DNAJC1: variants seen among roughly 807,000 people sequenced by gnomAD.
DNAJC1 encodes the protein dnaJ homolog subfamily C member 1.
In DNAJC1, 58 loss-of-function variants were observed where a neutral mutation model predicts 76.6. That is an observed-to-expected ratio of 0.76 (90% confidence interval 0.61 to 0.94). The LOEUF (loss-of-function observed/expected upper bound fraction) is 0.94. Ranked by LOEUF, DNAJC1 falls within the 40% of genes least tolerant of loss-of-function variation. The pLI is 0.00. For missense variants in DNAJC1, 689 were observed against 677.3 expected, an observed-to-expected ratio of 1.02 and a Z score of -0.19; for synonymous variants, 258 against 267.9, an observed-to-expected ratio of 0.96 and a Z score of 0.36.
chr10:21,942,780 T>C (rs1590059975), intron 1 of DNAJC1, among the ~76,000 whole-genome samples: 1 of 129,050 alleles, frequency 7.7e-6, no homozygotes, highest in South Asian at 2.3e-4. Context: ...CACTCCAGCC[T>C]GGGCGACAGA....
At chr10:21,847,693 T>C (rs938690752) in intron 8 of DNAJC1, among the ~76,000 whole-genome samples, 20 of 152,188 alleles carry the variant, frequency 1.3e-4, no homozygotes, top group African/African-American at 4.8e-4. Flanking sequence ...ACAATAGTTA[T>C]CTTCTTGTGC....
At chr10:21,877,807 G>T (rs566419047) in intron 8 of DNAJC1, among the ~76,000 whole-genome samples, 1 of 152,294 alleles carries the variant, frequency 6.6e-6, no homozygotes, top group South Asian at 2.1e-4. Context: ...CCCCTGGTCA[G>T]TTGAAAACCT....
intron 1 of DNAJC1, among the ~76,000 whole-genome samples, chr10:21,942,955 TA>T (rs1320533089): frequency 6.6e-6 from 1 of 152,004 alleles, no homozygotes; most frequent in Non-Finnish European, 1.5e-5. Flanking sequence ...AGACTACATT[TA>T]AAAATAATAA....
chr10:21,806,680 A>C (rs1589987873), intron 8 of DNAJC1, among the ~76,000 whole-genome samples: 1 of 152,166 alleles, frequency 6.6e-6, no homozygotes, highest in African/African-American at 2.4e-5. Flanking sequence ...TTTTTCAAGA[A>C]GTTTAGCTTG....
In DNAJC1 at chr10:21,766,656, C is replaced by CG. The variant is rs1834303274; in HGVS notation, c.1099-348dup. Among the ~76,000 whole-genome samples, 5 of 151,918 alleles carry CG rather than the reference C, an allele frequency of 3.3e-5. No homozygotes were observed. The South Asian group carries it at 1.0e-3, about 32-fold the overall frequency. On this transcript the variant is annotated intron_variant, in intron 9 of 11. Coordinates refer to ENST00000376980, the MANE Select transcript of DNAJC1 (RefSeq NM_022365.4). ...TAAGTTCTAGGGTACATATGCACAA[C>CG]GGGGGCTGCCTCTTAAAAGATACTA...
intron 8 of DNAJC1, among the ~76,000 whole-genome samples, chr10:21,834,319 G>T (rs991015771): frequency 1.3e-5 from 2 of 152,118 alleles, no homozygotes; most frequent in Non-Finnish European, 2.9e-5. Flanking sequence ...TTGTTTAAAA[G>T]ACCTAATGTG....
chr10:21,897,283 C>T (rs1425009575), intron 7 of DNAJC1, among the ~76,000 whole-genome samples: 1 of 151,880 alleles, frequency 6.6e-6, no homozygotes, highest in Non-Finnish European at 1.5e-5. Flanking sequence ...ATAGCTGGTT[C>T]AATATTCAAA....
chr10:21,949,981 G>A (rs982291868), intron 1 of DNAJC1, among the ~76,000 whole-genome samples: 8 of 151,566 alleles, frequency 5.3e-5, no homozygotes, highest in Non-Finnish European at 1.0e-4. Flanking sequence ...AATTTTCCAT[G>A]TCATATAATT....
At chr10:21,895,899 C>T (rs1245122957) in intron 7 of DNAJC1, among the ~76,000 whole-genome samples, 1 of 152,178 alleles carries the variant, frequency 6.6e-6, no homozygotes, top group Non-Finnish European at 1.5e-5. Context: ...CACATTCAGA[C>T]ACAATGTTCC....
chr10:21,870,996 G>T (rs942676513), intron 8 of DNAJC1, among the ~76,000 whole-genome samples: 3 of 152,076 alleles, frequency 2.0e-5, no homozygotes, highest in African/African-American at 7.2e-5. Context: ...GAAATTATTT[G>T]TTCTGTCCTG....
At chr10:21,855,305 A>C (rs1350716825) in intron 8 of DNAJC1, among the ~76,000 whole-genome samples, 1 of 152,174 alleles carries the variant, frequency 6.6e-6, no homozygotes, top group Non-Finnish European at 1.5e-5. Flanking sequence ...ATAATAATTC[A>C]TTCATTAGGG....
chr10:21,985,084 A>G (rs1267508848), intron 1 of DNAJC1, among the ~76,000 whole-genome samples: 2 of 152,322 alleles, frequency 1.3e-5, no homozygotes, highest in East Asian at 1.9e-4. Context: ...GTACATTTAC[A>G]TAACATAAAA....
At chr10:21,956,356 A>G (rs1190540430) in intron 1 of DNAJC1, among the ~76,000 whole-genome samples, 1 of 152,154 alleles carries the variant, frequency 6.6e-6, no homozygotes, top group Non-Finnish European at 1.5e-5. Flanking sequence ...TTAAGTTTCC[A>G]ACACATAAAC....
chr10:21,984,848 G>C (rs1838214058), intron 1 of DNAJC1, among the ~76,000 whole-genome samples: 1 of 152,138 alleles, frequency 6.6e-6, no homozygotes, highest in African/African-American at 2.4e-5. Flanking sequence ...CAGCATAGAT[G>C]CAACAGTAGA....
intron 6 of DNAJC1, among the ~76,000 whole-genome samples, chr10:21,916,406 G>A (rs1836957135): frequency 6.6e-6 from 1 of 152,134 alleles, no homozygotes; most frequent in African/African-American, 2.4e-5. Context: ...GGAGAATGGC[G>A]TGAACCCGGG....
At position 21,904,599 on chromosome 10, in the gene DNAJC1, A is replaced by C; in HGVS notation, c.743T>G (p.Phe248Cys). The C allele has an allele frequency of 6.2e-7, 1 of 1,603,002 alleles. No homozygotes were observed. Among genetic ancestry groups the C allele is most frequent in the Non-Finnish European group, 8.5e-7 (1 of 1,174,554 alleles). Residue 248 changes from phenylalanine to cysteine, a missense_variant, in exon 7 of 12, where the codon TTT becomes TGT. Physicochemically the swap from Phe to Cys is radical, Grantham distance 205. Transcript: ENST00000376980. ...LPHLIQDAGQFYAKYKETRLK... is the reference protein window; with the variant it reads ...LPHLIQDAGQCYAKYKETRLK... ...TCTTGTTTCTTTATATTTAGCATAA[A>C]ACTGCCCAGCATCCTTAAGAAAAAA... is the stretch of plus-strand genomic sequence containing the variant.
At chr10:21,933,596 A>G (rs554199939) in intron 1 of DNAJC1, among the ~76,000 whole-genome samples, 4 of 151,588 alleles carry the variant, frequency 2.6e-5, no homozygotes, top group Non-Finnish European at 4.4e-5. Context: ...AAACTGCCCA[A>G]CTGAGTGTGG....
intron 1 of DNAJC1, among the ~76,000 whole-genome samples, chr10:21,955,552 T>TTA (rs1837665023): frequency 1.3e-5 from 2 of 152,064 alleles, no homozygotes; most frequent in Admixed American, 1.3e-4. Context: ...ATAACAAAAA[T>TTA]TATATATATT....
chr10:21,814,931 A>T (rs1270517928), intron 8 of DNAJC1, among the ~76,000 whole-genome samples: 2 of 152,202 alleles, frequency 1.3e-5, no homozygotes, highest in Admixed American at 1.3e-4. Context: ...TTAGGATTTA[A>T]GAGATTTTAT....
Sources: allele counts gnomAD v4.1 joint callset (sites outside exome capture counted in the v4.1 genomes callset), GRCh38; gene constraint gnomAD v4.1.1; transcripts MANE v1.5; gene names NCBI Gene and HGNC (gene_info 2026-07-23, HGNC 2026-07-21).